DNAJC24: variants seen among roughly 807,000 people sequenced by gnomAD.
DNAJC24 encodes DnaJ heat shock protein family (Hsp40) member C24.
A neutral mutation model predicts 18.0 loss-of-function variants in DNAJC24; 17 were observed. The observed-to-expected ratio is 0.94, with a 90% CI of 0.65 to 1.42. DNAJC24 has a LOEUF of 1.42. Ranked by LOEUF, DNAJC24 falls within the 40% of genes most tolerant of loss-of-function variation. DNAJC24 has a pLI of 0.00. For synonymous variants in DNAJC24, 55 were observed against 57.7 expected, an observed-to-expected ratio of 0.95 and a Z score of 0.21; for missense variants, 158 against 175.6, an observed-to-expected ratio of 0.90 and a Z score of 0.57.
intron 4 of DNAJC24, chr11:31,427,810 A>G (rs1366906069): frequency 6.6e-6 from 1 of 151,802 alleles, no homozygotes; most frequent in Admixed American, 6.6e-5. Flanking sequence ...ATATAACAAT[A>G]TAATGTTAAG....
chr11:31,370,448 G>T (rs1463061594), intron 1 of DNAJC24, among the ~76,000 whole-genome samples: 1 of 151,924 alleles, frequency 6.6e-6, no homozygotes, highest in Non-Finnish European at 1.5e-5. Context: ...ACACCACCTG[G>T]TTCATTATAA....
chr11:31,407,941 A>G (rs1390072018), intron 2 of DNAJC24, among the ~76,000 whole-genome samples: 2 of 151,860 alleles, frequency 1.3e-5, no homozygotes, highest in Admixed American at 1.3e-4. Flanking sequence ...TTAAAATACC[A>G]CTGGCATATT....
intron 3 of DNAJC24, among the ~76,000 whole-genome samples, chr11:31,417,871 G>A (rs925776152): frequency 3.9e-5 from 6 of 151,926 alleles, no homozygotes; most frequent in African/African-American, 7.2e-5. Flanking sequence ...GACACTTGAC[G>A]TCCATATTTC....
chr11:31,413,964 A>C (rs1476201213), intron 2 of DNAJC24, among the ~76,000 whole-genome samples: 1 of 152,186 alleles, frequency 6.6e-6, no homozygotes, highest in Admixed American at 6.5e-5. Context: ...CACAGAGAAC[A>C]TAGAAGAAAA....
chr11:31,388,090 AAAG>A (rs1264425526), intron 2 of DNAJC24, among the ~76,000 whole-genome samples: 1 of 152,180 alleles, frequency 6.6e-6, no homozygotes, highest in Non-Finnish European at 1.5e-5. Context: ...AAAAATAAAA[AAAG>A]AAGGAAGCAT....
chr11:31,411,192 G>A (rs891592466), intron 2 of DNAJC24, among the ~76,000 whole-genome samples: 6 of 152,114 alleles, frequency 3.9e-5, no homozygotes, highest in South Asian at 2.1e-4. Flanking sequence ...CTTTGAGATC[G>A]GAAAGTCTTT....
chr11:31,414,912 TGAA>T lies in DNAJC24; in HGVS notation c.216_218del (p.Glu73del). 1 of 1,613,952 alleles carries T rather than the reference TGAA, an allele frequency of 6.2e-7. No individual in the cohort carries two copies. Among genetic ancestry groups the T allele is most frequent in the Non-Finnish European group, 8.5e-7 (1 of 1,179,964 alleles). Reference sequence around the variant, plus strand: ...ATCAAGCATGGAAAATTCTAGGAAATGAAGAGACAAAAAGAGAGTATGACCTGC... The same window carrying T: ...ATCAAGCATGGAAAATTCTAGGAAATGAGACAAAAAGAGAGTATGACCTGC... On this transcript the variant is annotated inframe_deletion, in exon 3 of 5. Transcript: ENST00000465995.
intron 2 of DNAJC24, among the ~76,000 whole-genome samples, chr11:31,412,489 G>A (rs1417296682): frequency 6.6e-6 from 1 of 152,140 alleles, no homozygotes; most frequent in Non-Finnish European, 1.5e-5. Context: ...TCTTAGTGTA[G>A]TGTTAGAGGA....
intron 2 of DNAJC24, among the ~76,000 whole-genome samples, chr11:31,414,029 T>C (rs1952733355): frequency 6.6e-6 from 1 of 152,182 alleles, no homozygotes; most frequent in African/African-American, 2.4e-5. Flanking sequence ...TGGATAACTA[T>C]TTAGTGAGCT....
chr11:31,396,045 C>T (rs1211528525), intron 2 of DNAJC24, among the ~76,000 whole-genome samples: 1 of 152,188 alleles, frequency 6.6e-6, no homozygotes, highest in Non-Finnish European at 1.5e-5. Flanking sequence ...TCTTGCCAAA[C>T]ATTAATTGTC....
chr11:31,410,980 G>T (rs1952703215), intron 2 of DNAJC24, among the ~76,000 whole-genome samples: 1 of 152,148 alleles, frequency 6.6e-6, no homozygotes, highest in Non-Finnish European at 1.5e-5. Flanking sequence ...TTTGATAGGT[G>T]AATGAATGAA....
intron 2 of DNAJC24, among the ~76,000 whole-genome samples, chr11:31,372,242 G>A (rs1402890189): frequency 3.6e-5 from 3 of 83,240 alleles, no homozygotes; most frequent in East Asian, 2.1e-4. Context: ...CTATACCGAC[G>A]TCCGGTTAAC....
chr11:31,395,352 A>G (rs1360699285), intron 2 of DNAJC24, among the ~76,000 whole-genome samples: 1 of 152,088 alleles, frequency 6.6e-6, no homozygotes, highest in Non-Finnish European at 1.5e-5. Flanking sequence ...ATGAACATAC[A>G]CATCCATGTC....
rs1952933622 is a variant in DNAJC24 at position 31,432,244 on chromosome 11, G to A, written c.*1843G>A. ...ATAAGAACAAGAATTCAAAAGTGAG[G>A]TAGTCATCCAGGTTCCCCCTCCCAC... On this transcript the variant is annotated 3_prime_UTR_variant, in exon 5 of 5. Transcript: ENST00000465995. Among the ~76,000 whole-genome samples, 1 of 152,114 alleles carries A rather than the reference G, an allele frequency of 6.6e-6. No homozygotes were observed. The highest frequency in any genetic ancestry group is 2.1e-4 in the South Asian group (1 of 4,830).
chr11:31,399,820 T>A lies in DNAJC24; in HGVS notation c.112-14991T>A, dbSNP rs1275126376. Among the ~76,000 whole-genome samples the A allele has an allele frequency of 8.0e-5, 12 of 149,420 alleles. No individual in the cohort carries two copies. The Admixed American group carries it at 8.1e-4, about 10-fold the overall frequency. ...CAGGTTTGTTACATAGGTATACATGTGCCATGGTGGTTTGCTGCACCTATC... is the reference window on the plus strand; with the variant it reads ...CAGGTTTGTTACATAGGTATACATGAGCCATGGTGGTTTGCTGCACCTATC... On this transcript the variant is annotated intron_variant, in intron 2 of 4. Coordinates refer to ENST00000465995, the MANE Select transcript of DNAJC24 (RefSeq NM_181706.5).
At position 31,372,603 on chromosome 11, in the gene DNAJC24, T is replaced by G. The variant is rs1200788411; in HGVS notation, c.111+1744T>G. Among the ~76,000 whole-genome samples, 3 of 136,020 alleles carry G rather than the reference T, an allele frequency of 2.2e-5. 1 individual carries two copies. Among genetic ancestry groups the G allele is most frequent in the Non-Finnish European group, 3.4e-5 (2 of 58,786 alleles). The allele number at this position is 136,020 out of a possible 152,430, so 89.2% of individuals were successfully genotyped here. On this transcript the variant is annotated intron_variant, in intron 2 of 4. Coordinates refer to ENST00000465995, the MANE Select transcript of DNAJC24 (RefSeq NM_181706.5). ...CTGGTTCTTGTAGGCCATGCTGGCC[T>G]TTAATTGGCCACTGAGAAGCAGTCT... is the stretch of plus-strand genomic sequence containing the variant.
At chr11:31,418,327 G>A (rs1365328030) in intron 3 of DNAJC24, among the ~76,000 whole-genome samples, 1 of 152,126 alleles carries the variant, frequency 6.6e-6, no homozygotes, top group East Asian at 1.9e-4. Context: ...AATAATACCT[G>A]TTGAGTAGAT....
intron 2 of DNAJC24, among the ~76,000 whole-genome samples, chr11:31,409,049 G>C (rs903390640): frequency 6.6e-6 from 1 of 152,156 alleles, no homozygotes; most frequent in Non-Finnish European, 1.5e-5. Context: ...GTTGGCAAAT[G>C]TGCTTGAAAG....
intron 2 of DNAJC24, among the ~76,000 whole-genome samples, chr11:31,400,742 G>C (rs1054744067): frequency 5.3e-5 from 8 of 152,296 alleles, no homozygotes; most frequent in Middle Eastern, 3.4e-3. Flanking sequence ...ATGGATTAAA[G>C]CCTTAAATGT....
Sources: allele counts gnomAD v4.1 joint callset (sites outside exome capture counted in the v4.1 genomes callset), GRCh38; gene constraint gnomAD v4.1.1; transcripts MANE v1.5; gene names NCBI Gene and HGNC (gene_info 2026-07-23, HGNC 2026-07-21).